OTUD7B: variants seen among roughly 807,000 people sequenced by gnomAD.
The protein encoded by OTUD7B is OTU domain-containing protein 7B.
Under a neutral mutation model 82.2 loss-of-function variants are expected in OTUD7B, and 34 were observed. That is an observed-to-expected ratio of 0.41 (90% confidence interval 0.31 to 0.55). The LOEUF is 0.55. Ranked by LOEUF, OTUD7B falls within the 20% of genes least tolerant of loss-of-function variation. OTUD7B has a pLI of 0.20. For synonymous variants in OTUD7B, 398 were observed against 402.7 expected (o/e 0.99, Z 0.14); for missense variants, 944 against 1,062.1 (o/e 0.89, Z 1.55).
chr1:149,960,392 TTTTTC>T (rs1649065907), intron 6 of OTUD7B, among the ~76,000 whole-genome samples: 104 of 3,026 alleles, frequency 0.034, 11 homozygotes, highest in Non-Finnish European at 0.24. Context: ...TTCTTTCCTT[TTTTTC>T]TTTTTTTTTT....
the OTUD7B span, among the ~76,000 whole-genome samples, chr1:150,048,142 A>G: frequency 6.6e-6 from 1 of 152,164 alleles, no homozygotes; most frequent in Non-Finnish European, 1.5e-5. Flanking sequence ...TAATGTTAAT[A>G]TAAATACTCT....
intron 1 of OTUD7B, among the ~76,000 whole-genome samples, chr1:149,979,026 T>TTG (rs1461158662): frequency 6.6e-6 from 1 of 151,396 alleles, no homozygotes; most frequent in Non-Finnish European, 1.5e-5. Flanking sequence ...TTTTTTTTTT[T>TTG]GAGACAGAGA....
intron 1 of OTUD7B, among the ~76,000 whole-genome samples, chr1:150,002,977 G>A (rs977647195): frequency 1.3e-5 from 2 of 152,190 alleles, no homozygotes; most frequent in African/African-American, 2.4e-5. Flanking sequence ...CAGGCCGGGC[G>A]TGGTGGCTCT....
rs1247834528 is a variant in OTUD7B at position 149,941,506 on chromosome 1, G to A, written c.*2351C>T. The A allele has an allele frequency of 1.3e-5, 2 of 152,190 alleles. No homozygotes were observed. The highest frequency in any genetic ancestry group is 2.4e-5 in the African/African-American group (1 of 41,410). The allele number at this position is 152,190 out of a possible 1,614,324, so 9.4% of individuals were successfully genotyped here. On this transcript the variant is annotated 3_prime_UTR_variant, in exon 12 of 12. Coordinates refer to ENST00000581312, the MANE Select transcript of OTUD7B (RefSeq NM_020205.4). ...GAAACAGGGACGTAACTAGGGTGAG[G>A]TGAGCAAAGCACTCACCTTGGGCAC... is the stretch of plus-strand genomic sequence containing the variant.
chr1:150,003,142 C>G (rs143367816), intron 1 of OTUD7B, among the ~76,000 whole-genome samples: 3,706 of 150,274 alleles, frequency 0.025, 69 homozygotes, highest in Non-Finnish European at 0.038. Flanking sequence ...CCCAGCAACT[C>G]GGGAGGCTGA....
chr1:149,959,514 T>C (rs587763670), intron 7 of OTUD7B, among the ~76,000 whole-genome samples, 170 bp downstream of exon 7: 5 of 152,318 alleles, frequency 3.3e-5, no homozygotes, highest in Admixed American at 2.0e-4. Flanking sequence ...AATACCGAAC[T>C]ACCTGTAGTT....
intron 1 of OTUD7B, among the ~76,000 whole-genome samples, chr1:149,996,393 T>C (rs1363101535): frequency 6.7e-6 from 1 of 148,644 alleles, no homozygotes; most frequent in African/African-American, 2.5e-5. Flanking sequence ...CAAAAAAAAC[T>C]GGGGTTCCAC....
At chr1:149,986,074 A>AC (rs1651113690) in intron 1 of OTUD7B, among the ~76,000 whole-genome samples, 1 of 151,980 alleles carries the variant, frequency 6.6e-6, no homozygotes, top group South Asian at 2.1e-4. Flanking sequence ...AATGTTTATC[A>AC]CCCTGCATGG....
At chr1:150,026,623 C>T in the OTUD7B span, among the ~76,000 whole-genome samples, 39 of 152,160 alleles carry the variant, frequency 2.6e-4, no homozygotes, top group African/African-American at 8.0e-4. Context: ...GATTTTCTAA[C>T]TGAATTTTTC....
chr1:149,960,518 G>A (rs1649083345), intron 6 of OTUD7B, among the ~76,000 whole-genome samples: 2 of 150,626 alleles, frequency 1.3e-5, no homozygotes, highest in Admixed American at 1.3e-4. Flanking sequence ...TCGAGTAGCT[G>A]GGATTACAGC....
the OTUD7B span, among the ~76,000 whole-genome samples, chr1:150,033,734 A>C: frequency 2.0e-5 from 3 of 151,682 alleles, no homozygotes; most frequent in Admixed American, 6.6e-5. Context: ...CATATTAATA[A>C]TTTTTTTTGA....
the OTUD7B span, among the ~76,000 whole-genome samples, chr1:150,049,244 C>T: frequency 6.6e-6 from 1 of 152,164 alleles, no homozygotes; most frequent in African/African-American, 2.4e-5. Flanking sequence ...ATGTTCTTTT[C>T]ATTCTGTCAT....
At chr1:150,018,734 G>A in the OTUD7B span, among the ~76,000 whole-genome samples, 1 of 152,034 alleles carries the variant, frequency 6.6e-6, no homozygotes, top group East Asian at 1.9e-4. Context: ...AAAGACAAAA[G>A]GTGTAAAGGA....
rs587608848 is a variant in OTUD7B, at chr1:149,971,004, A to G, written c.274+59T>C. 227 of 1,407,212 alleles carry G rather than the reference A, an allele frequency of 1.6e-4. 3 individuals carry two copies. The South Asian group carries it at 3.0e-3, about 19-fold the overall frequency. The allele number at this position is 1,407,212 out of a possible 1,614,324, so 87.2% of individuals were successfully genotyped here. ...ATGGATCACTAGACTTTATGACTCC[A>G]TTTAACAATCCCCTCCCTTCCTACT... On this transcript the variant is annotated intron_variant, in intron 3 of 11. Coordinates refer to ENST00000581312, the MANE Select transcript of OTUD7B (RefSeq NM_020205.4).
At chr1:149,960,413 T>TTTTTTTTTTTTTTTTTTTTTTTTG (rs1366020859) in intron 6 of OTUD7B, among the ~76,000 whole-genome samples, 3 of 72,566 alleles carry the variant, frequency 4.1e-5, no homozygotes, top group Admixed American at 2.2e-4. Context: ...TTTTTTTTTG[T>TTTTTTTTTTTTTTTTTTTTTTTTG]AGACAGAGTC....
At position 149,967,507 on chromosome 1, in the gene OTUD7B, T is replaced by G. The variant is rs1649600907; in HGVS notation, c.289A>C (p.Arg97=). 1 of 1,599,620 alleles carries G rather than the reference T, an allele frequency of 6.3e-7. No homozygotes were observed. Among genetic ancestry groups the G allele is most frequent in the Admixed American group, 1.7e-5 (1 of 57,678 alleles). ...DDIVQEKRLS[R]GISHASSSIV... is the part of the protein sequence containing the mutation. ...CTGGAGCTGGCGTGGGAGATGCCCC[T>G]AGACAGGCGTTTTTCTGCAATGAGA... The change falls in exon 4 of 12, where the codon AGG becomes CGG. Residue 97 remains arginine, a synonymous_variant. Transcript: ENST00000581312.
chr1:149,970,612 C>T (rs1300982787), intron 3 of OTUD7B, among the ~76,000 whole-genome samples: 2 of 152,094 alleles, frequency 1.3e-5, no homozygotes, highest in African/African-American at 2.4e-5. Flanking sequence ...AGCCACTGCA[C>T]CTGGCCTTAT....
the OTUD7B span, among the ~76,000 whole-genome samples, chr1:150,023,410 C>T: frequency 0.13 from 20,267 of 152,086 alleles, 1,877 homozygotes; most frequent in East Asian, 0.33. Flanking sequence ...AGCATATAAA[C>T]AGACACAGAA....
chr1:150,065,852 T>TTTTTTTTTTTTTTTTTTTTTTTTGAG, the OTUD7B span, among the ~76,000 whole-genome samples: 1 of 152,204 alleles, frequency 6.6e-6, no homozygotes, highest in African/African-American at 2.4e-5. Context: ...TCAAAATGTT[T>TTTTTTTTTTTTTTTTTTTTTTTTGAG]ATGTTCCATA....
Sources: allele counts gnomAD v4.1 joint callset (sites outside exome capture counted in the v4.1 genomes callset), GRCh38; gene constraint gnomAD v4.1.1; transcripts MANE v1.5; gene names NCBI Gene and HGNC (gene_info 2026-07-23, HGNC 2026-07-21).